Variants in PDE4B observed in about 807,000 individuals in gnomAD.
PDE4B encodes 3',5'-cyclic-AMP phosphodiesterase 4B.
A neutral mutation model predicts 82.2 loss-of-function variants in PDE4B; 20 were observed. That is an observed-to-expected ratio of 0.24 (90% CI 0.17 to 0.35). The LOEUF is 0.35. PDE4B is among the 10% of genes least tolerant of loss of function. PDE4B has a pLI of 1.00. For synonymous variants in PDE4B, 320 were observed against 318.9 expected (o/e 1.00, Z -0.04); for missense variants, 655 against 907.2 (o/e 0.72, Z 3.57).
Position 66,080,193 on chromosome 1 carries a change from A to G in PDE4B, c.281+161358A>G, listed in dbSNP as rs72920227. On this transcript the variant is annotated intron_variant, in intron 3 of 16. Coordinates refer to ENST00000341517, the MANE Select transcript of PDE4B (RefSeq NM_002600.4). ...ATTGACATTTCTGTGGTTTTGTGCC[A>G]TGGCATTTTCCATTCCCAAGTGAGA... is the stretch of plus-strand genomic sequence containing the variant. Among the ~76,000 whole-genome samples the G allele has an allele frequency of 8.7e-3, 1,329 of 152,264 alleles. 20 individuals carry two copies. Among genetic ancestry groups the G allele is most frequent in the African/African-American group, 0.03 (1,244 of 41,572 alleles).
intron 3 of PDE4B, among the ~76,000 whole-genome samples, chr1:66,155,870 A>C (rs1359923894): frequency 6.6e-6 from 1 of 152,158 alleles, no homozygotes; most frequent in Non-Finnish European, 1.5e-5. Flanking sequence ...TATCATCTAA[A>C]TTCACATAAG....
At chr1:66,282,818 T>C (rs771852005) in intron 7 of PDE4B, among the ~76,000 whole-genome samples, 5 of 152,108 alleles carry the variant, frequency 3.3e-5, no homozygotes, top group Non-Finnish European at 5.9e-5. Context: ...AATAGTGGTG[T>C]GTGGGTGTTG....
chr1:65,945,646 C>T (rs1044640298), intron 3 of PDE4B, among the ~76,000 whole-genome samples: 3 of 151,942 alleles, frequency 2.0e-5, no homozygotes, highest in Non-Finnish European at 4.4e-5. Flanking sequence ...GAGCCTATGC[C>T]GTTAGGTCCA....
chr1:65,931,145 C>T (rs1647810418), intron 3 of PDE4B, among the ~76,000 whole-genome samples: 1 of 152,164 alleles, frequency 6.6e-6, no homozygotes. Context: ...CTCTCTTCTT[C>T]CTGCTCCACC....
At chr1:66,317,328 A>C (rs1304785782) in intron 7 of PDE4B, among the ~76,000 whole-genome samples, 1 of 151,946 alleles carries the variant, frequency 6.6e-6, no homozygotes, top group East Asian at 1.9e-4. Flanking sequence ...TCCATCCCTC[A>C]CCACCTCTGC....
intron 3 of PDE4B, among the ~76,000 whole-genome samples, chr1:66,018,366 G>A (rs1652897746): frequency 1.3e-5 from 2 of 152,124 alleles, no homozygotes; most frequent in Non-Finnish European, 2.9e-5. Flanking sequence ...CTTGCAGTGA[G>A]CCGAGATCGT....
At chr1:65,893,457 T>C (rs1425833213) in intron 1 of PDE4B, among the ~76,000 whole-genome samples, 1 of 152,012 alleles carries the variant, frequency 6.6e-6, no homozygotes, top group Non-Finnish European at 1.5e-5. Flanking sequence ...TACACTTTAC[T>C]CTTTACTCCT....
At chr1:66,200,515 A>G (rs1457326826) in intron 3 of PDE4B, among the ~76,000 whole-genome samples, 2 of 152,038 alleles carry the variant, frequency 1.3e-5, no homozygotes, top group Non-Finnish European at 2.9e-5. Context: ...ATCCTCTTTT[A>G]TTTCATTGAG....
intron 1 of PDE4B, among the ~76,000 whole-genome samples, chr1:65,836,384 G>A (rs1646140017): frequency 6.6e-6 from 1 of 152,174 alleles, no homozygotes; most frequent in South Asian, 2.1e-4. Context: ...TCGCCTCAGA[G>A]TCATTTTCCT....
At chr1:66,269,775 T>G (rs1226320571) in intron 7 of PDE4B, among the ~76,000 whole-genome samples, 1 of 152,230 alleles carries the variant, frequency 6.6e-6, no homozygotes, top group East Asian at 1.9e-4. Context: ...AATTATCAAG[T>G]GTTCGCTGTC....
chr1:66,336,990 G>A (rs17128813), intron 8 of PDE4B, among the ~76,000 whole-genome samples: 1,969 of 152,300 alleles, frequency 0.013, 48 homozygotes, highest in African/African-American at 0.045. Flanking sequence ...GCCCTAATGA[G>A]GGGTGAACCA....
At chr1:65,905,057 C>G (rs1274953758) in intron 1 of PDE4B, among the ~76,000 whole-genome samples, 1 of 152,140 alleles carries the variant, frequency 6.6e-6, no homozygotes, top group Non-Finnish European at 1.5e-5. Context: ...TCAAGCCTAT[C>G]TAGTCTACTC....
chr1:65,871,709 G>T (rs1305127096), intron 1 of PDE4B, among the ~76,000 whole-genome samples: 3 of 152,154 alleles, frequency 2.0e-5, no homozygotes, highest in Non-Finnish European at 4.4e-5. Context: ...CATGAATTGT[G>T]CAGGCTGCTC....
chr1:66,067,787 T>TG (rs1363199126), intron 3 of PDE4B, among the ~76,000 whole-genome samples: 2 of 152,032 alleles, frequency 1.3e-5, no homozygotes, highest in East Asian at 3.9e-4. Context: ...ATGTCCTGAA[T>TG]GGTACTGCCT....
chr1:66,300,682 G>A (rs993900059), intron 7 of PDE4B, among the ~76,000 whole-genome samples: 3 of 152,082 alleles, frequency 2.0e-5, no homozygotes, highest in African/African-American at 7.2e-5. Context: ...AAGATGAATT[G>A]GACGCAGACC....
At chr1:66,172,009 G>A (rs565401889) in intron 3 of PDE4B, among the ~76,000 whole-genome samples, 11 of 152,194 alleles carry the variant, frequency 7.2e-5, no homozygotes, top group Middle Eastern at 6.8e-3. Context: ...TGTTACACTC[G>A]TATATTGTGT....
At chr1:66,366,317 G>C (rs1341112556) in intron 13 of PDE4B, among the ~76,000 whole-genome samples, 1 of 152,146 alleles carries the variant, frequency 6.6e-6, no homozygotes, top group Non-Finnish European at 1.5e-5. Flanking sequence ...ATTGGGAGTA[G>C]CAATGACCTG....
chr1:65,991,110 C>T (rs992600727), intron 3 of PDE4B, among the ~76,000 whole-genome samples: 2 of 151,348 alleles, frequency 1.3e-5, no homozygotes, highest in African/African-American at 2.4e-5. Flanking sequence ...GACAAAGGCA[C>T]ACTGTCACCA....
chr1:66,042,621 G>A (rs1317779579), intron 3 of PDE4B: 2 of 151,688 alleles, frequency 1.3e-5, no homozygotes, highest in Admixed American at 1.3e-4. Flanking sequence ...TCTCCATAAA[G>A]CATAATTTCT....
Sources: gnomAD v4.1 joint callset for allele counts (sites outside exome capture counted in the v4.1 genomes callset) on GRCh38, gnomAD v4.1.1 for gene constraint, MANE v1.5 for transcripts, NCBI Gene and HGNC (gene_info 2026-07-23, HGNC 2026-07-21) for gene names.